The following LOC128462377 variants were observed in gnomAD, a reference collection of about 807,000 sequenced individuals.
the LOC128462377 span, among the ~76,000 whole-genome samples, chr16:89,358,704 G>A: frequency 7.2e-5 from 11 of 152,322 alleles, no homozygotes; most frequent in African/African-American, 2.2e-4. Flanking sequence ...AGCTGCCCTC[G>A]CTGGCCCTGT....
the LOC128462377 span, among the ~76,000 whole-genome samples, chr16:89,363,040 G>C: frequency 9.9e-5 from 15 of 151,878 alleles, no homozygotes; most frequent in Admixed American, 6.6e-4. Flanking sequence ...AACTGCTGGC[G>C]AGTGTACCCT....
At chr16:89,412,647 C>T in the LOC128462377 span, 3 of 152,078 alleles carry the variant, frequency 2.0e-5, no homozygotes, top group Non-Finnish European at 2.9e-5. Context: ...ATAGAACTTA[C>T]TGAGTACTCT....
At chr16:89,362,819 T>C in the LOC128462377 span, among the ~76,000 whole-genome samples, 1 of 152,190 alleles carries the variant, frequency 6.6e-6, no homozygotes, top group Admixed American at 6.5e-5. Context: ...TTTCTCAGCA[T>C]TCCACAAATT....
the LOC128462377 span, among the ~76,000 whole-genome samples, chr16:89,398,276 C>T: frequency 8.6e-4 from 130 of 150,648 alleles, no homozygotes; most frequent in Non-Finnish European, 1.5e-3. Context: ...TGAAGATTAC[C>T]TGTGACCTCA....
At chr16:89,386,917 C>A in the LOC128462377 span, among the ~76,000 whole-genome samples, 1 of 151,862 alleles carries the variant, frequency 6.6e-6, no homozygotes, top group East Asian at 1.9e-4. Context: ...CAGCTCCCCA[C>A]GCCTCGACCA....
the LOC128462377 span, among the ~76,000 whole-genome samples, chr16:89,400,893 G>A: frequency 1.3e-5 from 2 of 152,030 alleles, no homozygotes; most frequent in Admixed American, 1.3e-4. Flanking sequence ...GACGCCTGTC[G>A]CCCTCCACCC....
At chr16:89,387,615 G>A in the LOC128462377 span, among the ~76,000 whole-genome samples, 5 of 150,076 alleles carry the variant, frequency 3.3e-5, no homozygotes, top group East Asian at 9.8e-4. Context: ...AGAGCTTGCA[G>A]TGAGCCGAGA....
the LOC128462377 span, among the ~76,000 whole-genome samples, chr16:89,415,587 C>A: frequency 6.6e-6 from 1 of 151,492 alleles, no homozygotes; most frequent in East Asian, 1.9e-4. Context: ...TTAAACCCTG[C>A]ATTTTAATGC....
chr16:89,403,363 G>A, the LOC128462377 span, among the ~76,000 whole-genome samples: 2 of 152,254 alleles, frequency 1.3e-5, no homozygotes, highest in African/African-American at 4.8e-5. Context: ...GAAGAACATG[G>A]AGGAGCTCAT....
At chr16:89,317,298 A>G in the LOC128462377 span, among the ~76,000 whole-genome samples, 1 of 152,224 alleles carries the variant, frequency 6.6e-6, no homozygotes, top group African/African-American at 2.4e-5. Flanking sequence ...GAAGGAGAAC[A>G]GAGAAGGGTC....
chr16:89,323,478 A>AGAGCCCAGGGCAGGGGGGCT, the LOC128462377 span: 1 of 88,812 alleles, frequency 1.1e-5, no homozygotes, highest in African/African-American at 1.1e-4. Flanking sequence ...GCAGGGGGGC[A>AGAGCCCAGGGCAGGGGGGCT]GAGCCCAGGG....
At chr16:89,356,672 T>C in the LOC128462377 span, among the ~76,000 whole-genome samples, 2 of 148,314 alleles carry the variant, frequency 1.3e-5, no homozygotes, top group Non-Finnish European at 1.5e-5. Flanking sequence ...TCCCAGCTAC[T>C]TGGGAGGCTG....
the LOC128462377 span, among the ~76,000 whole-genome samples, chr16:89,348,873 TAAAAAA>T: frequency 7.7e-6 from 1 of 130,416 alleles, no homozygotes; most frequent in African/African-American, 2.8e-5. Flanking sequence ...TTATTGTCTT[TAAAAAA>T]AAAAAAAAAA....
At chr16:89,328,109 A>AC in the LOC128462377 span, among the ~76,000 whole-genome samples, 1 of 152,118 alleles carries the variant, frequency 6.6e-6, no homozygotes, top group African/African-American at 2.4e-5. Flanking sequence ...AAGGCACTCG[A>AC]CATCCTAAGC....
chr16:89,359,917 C>T, the LOC128462377 span, among the ~76,000 whole-genome samples: 2 of 151,360 alleles, frequency 1.3e-5, no homozygotes, highest in African/African-American at 4.9e-5. Context: ...CTTTTAGGTT[C>T]GGGGGCACAT....
chr16:89,321,378 C>G, the LOC128462377 span, among the ~76,000 whole-genome samples: 1 of 148,008 alleles, frequency 6.8e-6, no homozygotes, highest in Middle Eastern at 3.5e-3. Flanking sequence ...TCGGGCGGGG[C>G]AGGACTGGGG....
the LOC128462377 span, among the ~76,000 whole-genome samples, chr16:89,318,842 G>T: frequency 3.3e-5 from 5 of 152,336 alleles, no homozygotes; most frequent in South Asian, 1.0e-3. Flanking sequence ...ACCTCCACCC[G>T]CGGTGCAGGT....
the LOC128462377 span, among the ~76,000 whole-genome samples, chr16:89,381,089 G>A: frequency 1.2e-4 from 19 of 152,294 alleles, no homozygotes; most frequent in African/African-American, 2.6e-4. Context: ...TTGGGAGGCC[G>A]AGGCAGGTGG....
chr16:89,359,571 C>A, the LOC128462377 span, among the ~76,000 whole-genome samples: 1 of 152,208 alleles, frequency 6.6e-6, no homozygotes, highest in South Asian at 2.1e-4. Flanking sequence ...TAATCCCACA[C>A]TCTGAGCCTT....
Sources: allele counts gnomAD v4.1 joint callset (sites outside exome capture counted in the v4.1 genomes callset), GRCh38; gene constraint gnomAD v4.1.1; transcripts MANE v1.5.